CNBD1: variants seen among roughly 807,000 people sequenced by gnomAD.
The protein encoded by CNBD1 is cyclic nucleotide binding domain containing 1.
Under a neutral mutation model 54.4 loss-of-function variants are expected in CNBD1, and 71 were observed. The observed-to-expected ratio is 1.30, with a 90% confidence interval of 1.08 to 1.59. The LOEUF (loss-of-function observed/expected upper bound fraction) is 1.59. Among genes scored for constraint, CNBD1 ranks in the 40% most tolerant of loss-of-function variants. The probability of loss-of-function intolerance (pLI) is 0.00; values close to 1 mark genes in which losing one functional copy is unlikely to be tolerated. For synonymous variants in CNBD1, 182 were observed against 170.7 expected (o/e 1.07, Z -0.51); for missense variants, 659 against 518.0 (o/e 1.27, Z -2.64).
At chr8:87,392,798 AC>A (rs748672023) in intron 2 of CNBD1, among the ~76,000 whole-genome samples, 10 of 151,934 alleles carry the variant, frequency 6.6e-5, no homozygotes, top group Non-Finnish European at 1.5e-4. Context: ...AAATGGGTAA[AC>A]TGTGTTGTAC....
intron 4 of CNBD1, among the ~76,000 whole-genome samples, chr8:87,177,646 A>G (rs564618721): frequency 2.0e-5 from 3 of 152,326 alleles, no homozygotes; most frequent in Admixed American, 2.0e-4. Flanking sequence ...TTTATGATAA[A>G]TAAAACACAA....
chr8:87,132,271 T>C (rs1231413567), intron 4 of CNBD1, among the ~76,000 whole-genome samples: 1 of 151,884 alleles, frequency 6.6e-6, no homozygotes, highest in Non-Finnish European at 1.5e-5. Flanking sequence ...ATAACAACAT[T>C]TTAGTAAGTT....
chr8:87,153,130 G>A (rs1812640845), intron 4 of CNBD1, among the ~76,000 whole-genome samples: 1 of 152,082 alleles, frequency 6.6e-6, no homozygotes, highest in African/African-American at 2.4e-5. Context: ...TTTTCTGCTT[G>A]TTGATGACTT....
chr8:87,087,462 TC>T (rs1244977657), intron 4 of CNBD1, among the ~76,000 whole-genome samples: 2 of 147,316 alleles, frequency 1.4e-5, no homozygotes, highest in South Asian at 2.1e-4. Context: ...TGAAGTACAT[TC>T]TTTTTTTTTT....
chr8:86,932,916 C>T (rs973765810), intron 3 of CNBD1, among the ~76,000 whole-genome samples: 10 of 151,914 alleles, frequency 6.6e-5, no homozygotes, highest in East Asian at 1.9e-4. Flanking sequence ...GAAGCAGCAG[C>T]GGAAACACTT....
intron 10 of CNBD1, among the ~76,000 whole-genome samples, chr8:87,369,218 A>C (rs948135215): frequency 6.6e-5 from 10 of 151,954 alleles, no homozygotes; most frequent in Non-Finnish European, 1.2e-4. Flanking sequence ...TTTTTCTTTT[A>C]CTAGGATTCA....
At chr8:87,158,514 TC>T (rs1185990992) in intron 4 of CNBD1, among the ~76,000 whole-genome samples, 10 of 152,124 alleles carry the variant, frequency 6.6e-5, no homozygotes, top group Non-Finnish European at 1.5e-4. Context: ...GGGTTCACTT[TC>T]CTTTCCTCAT....
chr8:87,296,856 T>C (rs186218574), intron 8 of CNBD1, among the ~76,000 whole-genome samples: 25 of 152,130 alleles, frequency 1.6e-4, no homozygotes, highest in Non-Finnish European at 3.1e-4. Context: ...TATATCATTT[T>C]AAATTTTCTA....
intron 4 of CNBD1, among the ~76,000 whole-genome samples, chr8:87,034,856 A>G (rs1809876600): frequency 2.0e-5 from 3 of 152,178 alleles, no homozygotes; most frequent in Admixed American, 2.0e-4. Flanking sequence ...AGGATCAACT[A>G]TATACATATA....
intron 8 of CNBD1, among the ~76,000 whole-genome samples, chr8:87,307,321 G>A (rs1253834116): frequency 6.6e-6 from 1 of 152,200 alleles, no homozygotes; most frequent in African/African-American, 2.4e-5. Flanking sequence ...TAAAGTGTAG[G>A]ACACTAGCTA....
At chr8:87,031,347 T>C (rs189757474) in intron 4 of CNBD1, among the ~76,000 whole-genome samples, 1 of 152,178 alleles carries the variant, frequency 6.6e-6, no homozygotes, top group East Asian at 2.0e-4. Flanking sequence ...ATTGCTTTCA[T>C]AGTAAGGCAA....
intron 4 of CNBD1, among the ~76,000 whole-genome samples, chr8:87,051,477 G>C (rs1008478470): frequency 1.3e-5 from 2 of 152,262 alleles, no homozygotes. Context: ...GAAATCAGGG[G>C]TCTCACAGCC....
At chr8:87,018,375 C>T (rs1809411922) in intron 4 of CNBD1, among the ~76,000 whole-genome samples, 1 of 152,140 alleles carries the variant, frequency 6.6e-6, no homozygotes, top group African/African-American at 2.4e-5. Flanking sequence ...CTATAATATT[C>T]TCTTTAATAA....
chr8:87,399,762 G>T (rs190070153), intron 2 of CNBD1, among the ~76,000 whole-genome samples: 1 of 151,972 alleles, frequency 6.6e-6, no homozygotes, highest in Non-Finnish European at 1.5e-5. Flanking sequence ...TTAGGTGCTG[G>T]TAGGATAGTT....
chr8:87,351,183 C>G (rs1379257103), intron 8 of CNBD1, among the ~76,000 whole-genome samples: 1 of 152,152 alleles, frequency 6.6e-6, no homozygotes, highest in Admixed American at 6.5e-5. Flanking sequence ...GGAGTAGGTT[C>G]AAACTGGGCC....
chr8:87,342,335 G>C (rs1394849331), intron 8 of CNBD1, among the ~76,000 whole-genome samples: 2 of 151,858 alleles, frequency 1.3e-5, no homozygotes, highest in Non-Finnish European at 2.9e-5. Context: ...TGTCTCCATG[G>C]GAGGAGTAAG....
chr8:87,392,452 A>T (rs1186305643), intron 2 of CNBD1, among the ~76,000 whole-genome samples: 1 of 152,064 alleles, frequency 6.6e-6, no homozygotes, highest in Admixed American at 6.6e-5. Context: ...TGTCATAAGC[A>T]TATTCTGGAA....
intron 2 of CNBD1, among the ~76,000 whole-genome samples, chr8:87,407,531 T>A (rs898619357): frequency 6.6e-6 from 1 of 152,010 alleles, no homozygotes; most frequent in Non-Finnish European, 1.5e-5. Flanking sequence ...AATTTCTAGA[T>A]TATAATTAAT....
intron 8 of CNBD1, among the ~76,000 whole-genome samples, chr8:87,313,171 A>G (rs1809305707): frequency 6.6e-6 from 1 of 152,058 alleles, no homozygotes; most frequent in Non-Finnish European, 1.5e-5. Flanking sequence ...TGAACTTGAA[A>G]AGGTTTGATG....
Sources: gnomAD v4.1 joint callset for allele counts (sites outside exome capture counted in the v4.1 genomes callset) on GRCh38, gnomAD v4.1.1 for gene constraint, MANE v1.5 for transcripts, NCBI Gene and HGNC (gene_info 2026-07-23, HGNC 2026-07-21) for gene names.